TBCK: variants seen among roughly 807,000 people sequenced by gnomAD.
TBCK encodes TBC domain-containing protein kinase-like protein.
A neutral mutation model predicts 113.4 loss-of-function variants in TBCK; 99 were observed. The observed-to-expected ratio is 0.87, with a 90% CI of 0.74 to 1.03. TBCK has a LOEUF of 1.03. Among genes scored for constraint, TBCK ranks in the 50% least tolerant of loss-of-function variants. TBCK has a pLI of 0.00. For missense variants in TBCK, 1,045 were observed against 1,061.3 expected, an observed-to-expected ratio of 0.98 and a Z score of 0.21; for synonymous variants, 369 against 370.8, an observed-to-expected ratio of 1.00 and a Z score of 0.05.
At chr4:106,112,478 G>GT (rs1215165271) in intron 24 of TBCK, among the ~76,000 whole-genome samples, 1 of 152,140 alleles carries the variant, frequency 6.6e-6, no homozygotes, top group African/African-American at 2.4e-5. Context: ...TGGAAATCAC[G>GT]TAATTCCCTC....
chr4:106,292,797 C>T (rs1485580260), intron 3 of TBCK, among the ~76,000 whole-genome samples: 2 of 152,204 alleles, frequency 1.3e-5, no homozygotes, highest in Non-Finnish European at 2.9e-5. Flanking sequence ...GGTCACAAAG[C>T]TTGCTTCCTT....
intron 20 of TBCK, among the ~76,000 whole-genome samples, chr4:106,208,675 A>C (rs1755802897): frequency 6.6e-6 from 1 of 152,070 alleles, no homozygotes; most frequent in African/African-American, 2.4e-5. Flanking sequence ...ATGGGAAAAG[A>C]ACTCAGGACC....
chr4:106,149,662 A>G (rs1748253860), intron 23 of TBCK, among the ~76,000 whole-genome samples: 1 of 152,164 alleles, frequency 6.6e-6, no homozygotes, highest in Non-Finnish European at 1.5e-5. Context: ...CTGATCACAG[A>G]TCACCGTAAC....
chr4:106,235,633 T>C (rs1759368821), intron 14 of TBCK, among the ~76,000 whole-genome samples: 1 of 151,990 alleles, frequency 6.6e-6, no homozygotes, highest in Non-Finnish European at 1.5e-5. Context: ...TATTTGATGC[T>C]CTGGGGGGAT....
intron 22 of TBCK, among the ~76,000 whole-genome samples, 158 bp from the exon 23 acceptor site, chr4:106,171,428 A>T (rs951441030): frequency 1.1e-4 from 16 of 152,130 alleles, no homozygotes; most frequent in Non-Finnish European, 1.6e-4. Context: ...TATATTAATC[A>T]GCATATTTAT....
chr4:106,186,982 T>C (rs993793035), intron 22 of TBCK, among the ~76,000 whole-genome samples: 5 of 152,210 alleles, frequency 3.3e-5, no homozygotes, highest in Non-Finnish European at 5.9e-5. Context: ...CAGCACCATT[T>C]ACTGAATAGG....
intron 25 of TBCK, among the ~76,000 whole-genome samples, chr4:106,055,103 G>A (rs1735234590): frequency 6.6e-6 from 1 of 151,634 alleles, no homozygotes; most frequent in African/African-American, 2.4e-5. Context: ...AGGAAGAGAA[G>A]TAGATAGAAG....
chr4:106,078,168 C>T (rs982191679), intron 25 of TBCK, among the ~76,000 whole-genome samples: 1 of 152,106 alleles, frequency 6.6e-6, no homozygotes, highest in Non-Finnish European at 1.5e-5. Flanking sequence ...GCACTAAACT[C>T]CTACGTGAAG....
Position 106,191,888 on chromosome 4 carries a change from T to A in TBCK, c.2059+1721A>T, listed in dbSNP as rs138903675. Among the ~76,000 whole-genome samples, 9 of 152,270 alleles carry A rather than the reference T, an allele frequency of 5.9e-5. No individual in the cohort carries two copies. In the East Asian group the frequency reaches 1.5e-3, roughly 26 times the overall value. ...AGGTTTGACAGATGTTATGATATAG[T>A]GACTAGAAAGGATAAAATTACCAGA... is the stretch of plus-strand genomic sequence containing the variant. On this transcript the variant is annotated intron_variant, in intron 22 of 25. Coordinates refer to ENST00000394708, the MANE Select transcript of TBCK (RefSeq NM_001163435.3).
intron 1 of TBCK, among the ~76,000 whole-genome samples, chr4:106,312,522 G>A (rs910622858): frequency 6.6e-6 from 1 of 152,016 alleles, no homozygotes; most frequent in Non-Finnish European, 1.5e-5. Flanking sequence ...AATGGCAAAA[G>A]AATTTTGGAA....
intron 3 of TBCK, among the ~76,000 whole-genome samples, chr4:106,272,748 G>C (rs534366323): frequency 6.6e-6 from 1 of 151,930 alleles, no homozygotes; most frequent in African/African-American, 2.4e-5. Context: ...GCCCACGTCG[G>C]CCTCCCACAG....
At chr4:106,214,865 T>C (rs1202253936) in intron 19 of TBCK, among the ~76,000 whole-genome samples, 19 of 151,890 alleles carry the variant, frequency 1.3e-4, no homozygotes, top group African/African-American at 4.4e-4. Flanking sequence ...ATACAGAGAA[T>C]GCCACAAAGA....
At chr4:106,080,643 T>C (rs2149491188) in intron 25 of TBCK, among the ~76,000 whole-genome samples, 1 of 152,266 alleles carries the variant, frequency 6.6e-6, no homozygotes, top group African/African-American at 2.4e-5. Context: ...TCAAAAGCTA[T>C]TGCAACAAAA....
chr4:106,273,646 G>A lies in TBCK; in HGVS notation c.267-11434C>T, dbSNP rs182673730. On this transcript the variant is annotated intron_variant, in intron 3 of 25. Transcript: ENST00000394708. ...TCTTATAAAAGGGAGACACATAGAC[G>A]AGAAGACACACAAAGAAGGTGATGT... 2.3e-3 allele frequency among the ~76,000 whole-genome samples: 344 copies of A among 152,296 alleles called. 2 individuals are homozygous for A. The highest frequency in any genetic ancestry group is 7.0e-3 in the African/African-American group (292 of 41,576).
At chr4:106,310,952 A>C (rs1223106828) in intron 1 of TBCK, among the ~76,000 whole-genome samples, 5 of 152,194 alleles carry the variant, frequency 3.3e-5, no homozygotes, top group Non-Finnish European at 7.4e-5. Context: ...ATACAAAAGA[A>C]TAAAGAGAAA....
At chr4:106,171,043 T>G (rs1309337685) in intron 23 of TBCK, 52 bp downstream of exon 23, 9 of 1,442,726 alleles carry the variant, frequency 6.2e-6, no homozygotes, top group Middle Eastern at 1.8e-4. Flanking sequence ...GTATATTAAT[T>G]TTAACATCCA....
intron 23 of TBCK, among the ~76,000 whole-genome samples, chr4:106,121,810 T>A (rs895952879): frequency 2.0e-5 from 3 of 152,070 alleles, no homozygotes; most frequent in African/African-American, 7.2e-5. Context: ...GAAATAAAGA[T>A]GTTCTTTGAA....
chr4:106,062,290 T>C (rs1260466142), intron 25 of TBCK, among the ~76,000 whole-genome samples: 2 of 151,888 alleles, frequency 1.3e-5, no homozygotes, highest in East Asian at 3.9e-4. Context: ...CTTAAAAACA[T>C]GCACTGGCTT....
At chr4:106,262,474 G>A (rs1052628512) in intron 3 of TBCK, among the ~76,000 whole-genome samples, 2 of 151,938 alleles carry the variant, frequency 1.3e-5, no homozygotes, top group African/African-American at 2.4e-5. Context: ...GTTCTTCCAC[G>A]AAAGGGCTTT....
Sources: gnomAD v4.1 joint callset for allele counts (sites outside exome capture counted in the v4.1 genomes callset) on GRCh38, gnomAD v4.1.1 for gene constraint, MANE v1.5 for transcripts, NCBI Gene and HGNC (gene_info 2026-07-23, HGNC 2026-07-21) for gene names.